The following CEMIP variants were observed in gnomAD, a reference collection of about 807,000 sequenced individuals.
The protein encoded by CEMIP is cell migration-inducing and hyaluronan-binding protein.
Under a neutral mutation model 156.9 loss-of-function variants are expected in CEMIP, and 105 were observed. That is an observed-to-expected ratio of 0.67 (90% CI 0.57 to 0.79). The LOEUF is 0.79. CEMIP is among the 30% of genes least tolerant of loss of function. The pLI, the probability that CEMIP is intolerant of heterozygous loss-of-function variation, is 0.00. For synonymous variants in CEMIP, 676 were observed against 668.4 expected (o/e 1.01, Z -0.17); for missense variants, 1,457 against 1,769.4 (o/e 0.82, Z 3.17).
Position 80,949,429 on chromosome 15 carries a change from G to A in CEMIP, c.*505G>A, listed in dbSNP as rs1019692346. 45 of 216,810 alleles carry A rather than the reference G, an allele frequency of 2.1e-4. No homozygotes were observed. Among genetic ancestry groups the A allele is most frequent in the Non-Finnish European group, 1.9e-4 (20 of 106,196 alleles). 13.4% of individuals were successfully genotyped at this position (216,810 alleles called of 1,614,324 possible). A position where few individuals can be genotyped will look rare whatever the true frequency, so the allele number is the denominator to read the frequency against. On this transcript the variant is annotated 3_prime_UTR_variant, in exon 30 of 30. Coordinates refer to ENST00000394685, the MANE Select transcript of CEMIP (RefSeq NM_001293298.2). ...GCAAGAGCCAACCTCACAGGATTAG[G>A]AGCTGGGGTAGAACTGGCTATCCTT...
At chr15:80,921,886 G>A (rs1197907325) in intron 16 of CEMIP, 123 bp from the exon 17 acceptor site, 3 of 1,260,708 alleles carry the variant, frequency 2.4e-6, no homozygotes, top group Non-Finnish European at 3.5e-6. Context: ...GGGCACCGAG[G>A]GCTCCTGTGG....
At chr15:80,918,986 T>C (rs575011458) in intron 14 of CEMIP, among the ~76,000 whole-genome samples, 53 of 152,128 alleles carry the variant, frequency 3.5e-4, no homozygotes, top group Non-Finnish European at 6.2e-4. Flanking sequence ...GAAGAGAAGA[T>C]AGGAGGCTTG....
At chr15:80,796,405 C>G (rs1289410096) in intron 1 of CEMIP, among the ~76,000 whole-genome samples, 1 of 152,310 alleles carries the variant, frequency 6.6e-6, no homozygotes, top group East Asian at 1.9e-4. Context: ...TCAGTGGGTC[C>G]ATTTTTCATC....
chr15:80,793,286 T>C (rs1896129484), intron 1 of CEMIP, among the ~76,000 whole-genome samples: 1 of 152,210 alleles, frequency 6.6e-6, no homozygotes. Flanking sequence ...TGGAAGATGT[T>C]GAGAGGCACA....
intron 1 of CEMIP, among the ~76,000 whole-genome samples, chr15:80,817,602 A>AAATAAT (rs59356064): frequency 0.2 from 27,355 of 138,432 alleles, 2,812 homozygotes; most frequent in South Asian, 0.27. Context: ...CCCTGTCTCA[A>AAATAAT]AATAATAATA....
At chr15:80,790,148 C>A (rs748237733) in intron 1 of CEMIP, among the ~76,000 whole-genome samples, 1 of 152,154 alleles carries the variant, frequency 6.6e-6, no homozygotes, top group African/African-American at 2.4e-5. Context: ...AGAGACAGGA[C>A]CCCTACTTGG....
chr15:80,832,713 A>G (rs906435), intron 1 of CEMIP, among the ~76,000 whole-genome samples: 82,397 of 152,020 alleles, frequency 0.54, 22,434 homozygotes, highest in East Asian at 0.6. Context: ...TGGAAAATTC[A>G]CATTAAAATC....
intron 1 of CEMIP, among the ~76,000 whole-genome samples, chr15:80,818,656 T>A (rs570500540): frequency 2.0e-5 from 3 of 152,338 alleles, no homozygotes; most frequent in African/African-American, 7.2e-5. Flanking sequence ...CTGAAGCCAG[T>A]GCACCACTTA....
At chr15:80,838,175 T>C (rs1413967221) in intron 1 of CEMIP, among the ~76,000 whole-genome samples, 2 of 152,166 alleles carry the variant, frequency 1.3e-5, no homozygotes, top group Admixed American at 1.3e-4. Context: ...CCCATCCACA[T>C]GCGTTCCACT....
intron 14 of CEMIP, chr15:80,909,642 C>T (rs1899967268): frequency 4.2e-6 from 2 of 473,314 alleles, no homozygotes; most frequent in Non-Finnish European, 8.4e-6. Flanking sequence ...TAACTGCAGA[C>T]AGGGGGATCA....
chr15:80,859,568 C>G (rs1158795238), intron 1 of CEMIP, among the ~76,000 whole-genome samples: 1 of 152,250 alleles, frequency 6.6e-6, no homozygotes, highest in Non-Finnish European at 1.5e-5. Context: ...AAGGATGCCT[C>G]TAGTTCACAG....
chr15:80,792,303 T>C (rs1454434098), intron 1 of CEMIP, among the ~76,000 whole-genome samples: 2 of 152,228 alleles, frequency 1.3e-5, no homozygotes, highest in African/African-American at 4.8e-5. Context: ...CTGTTCTCCA[T>C]ATTCTTTCTC....
chr15:80,878,668 T>C, intron 3 of CEMIP, 53 bp from the exon 4 acceptor site: 1 of 1,613,212 alleles, frequency 6.2e-7, no homozygotes, highest in Non-Finnish European at 8.5e-7. Flanking sequence ...TGTAGCATTC[T>C]TGCTTGGTGA....
chr15:80,874,621 T>A (rs1898409924), intron 3 of CEMIP, among the ~76,000 whole-genome samples: 2 of 152,172 alleles, frequency 1.3e-5, no homozygotes, highest in African/African-American at 4.8e-5. Context: ...CTAAGCCAGG[T>A]TTAGATCTAT....
At chr15:80,884,978 G>A (rs912997558) in intron 7 of CEMIP, among the ~76,000 whole-genome samples, 2 of 152,032 alleles carry the variant, frequency 1.3e-5, no homozygotes, top group Admixed American at 6.6e-5. Flanking sequence ...CTAGGTAAAC[G>A]TGTGCCGCGA....
chr15:80,857,164 C>CA, intron 1 of CEMIP, among the ~76,000 whole-genome samples: 1 of 152,240 alleles, frequency 6.6e-6, no homozygotes, highest in East Asian at 1.9e-4. Context: ...ATCTGCTGTG[C>CA]AAACATTCCC....
chr15:80,891,306 C>G (rs559126023), intron 10 of CEMIP, among the ~76,000 whole-genome samples: 1 of 152,320 alleles, frequency 6.6e-6, no homozygotes, highest in African/African-American at 2.4e-5. Context: ...TTACTTTGCT[C>G]CCAGCACAGA....
intron 1 of CEMIP, among the ~76,000 whole-genome samples, chr15:80,797,235 A>G (rs1896253118): frequency 6.6e-6 from 1 of 152,140 alleles, no homozygotes; most frequent in African/African-American, 2.4e-5. Flanking sequence ...GATGATTATA[A>G]ATAGAGTACA....
rs754954231 is a variant in CEMIP at position 80,878,151 on chromosome 15, C to T, written c.95-570C>T. Among the ~76,000 whole-genome samples, 6 of 152,234 alleles carry T rather than the reference C, an allele frequency of 3.9e-5. No individual in the cohort carries two copies. The East Asian group carries it at 5.8e-4, about 15-fold the overall frequency. ...AGCCTACAGTGTGACATCTCCACCACGTATAGATATAAACTATAGTTCCTC... is the reference window on the plus strand; with the variant it reads ...AGCCTACAGTGTGACATCTCCACCATGTATAGATATAAACTATAGTTCCTC... On this transcript the variant is annotated intron_variant, in intron 3 of 29. Coordinates refer to ENST00000394685, the MANE Select transcript of CEMIP (RefSeq NM_001293298.2).
Sources: allele counts gnomAD v4.1 joint callset (sites outside exome capture counted in the v4.1 genomes callset), GRCh38; gene constraint gnomAD v4.1.1; transcripts MANE v1.5; gene names NCBI Gene and HGNC (gene_info 2026-07-23, HGNC 2026-07-21).